Variants in POLRMT observed in about 807,000 individuals in gnomAD.
The protein encoded by POLRMT is DNA-directed RNA polymerase, mitochondrial.
In POLRMT, 114 loss-of-function variants were observed where a neutral mutation model predicts 132.2. That is an observed-to-expected ratio of 0.86 (90% CI 0.74 to 1.01). The LOEUF is 1.01. POLRMT is among the 50% of genes least tolerant of loss of function. The pLI, the probability that POLRMT is intolerant of heterozygous loss-of-function variation, is 0.00. For synonymous variants in POLRMT, 1,020 were observed against 773.4 expected, an observed-to-expected ratio of 1.32 and a Z score of -5.29; for missense variants, 2,003 against 1,729.1, an observed-to-expected ratio of 1.16 and a Z score of -2.81.
chr19:621,295 G>C lies in POLRMT; in HGVS notation c.2403C>G (p.Asp801Glu), dbSNP rs749722950. 11 of 1,603,082 alleles carry C rather than the reference G, an allele frequency of 6.9e-6. No homozygotes were observed. Among genetic ancestry groups the C allele is most frequent in the Non-Finnish European group, 9.3e-6 (11 of 1,177,532 alleles). ...GGCAGGGGTAGGTGCGGCCGCGGAA[G>C]TCCATGTTGTGCGGCAGCCAGAAGA... The part of the protein sequence containing the change: ...DRVFWLPHNM[D>E]FRGRTYPCPP... Residue 801 changes from aspartate (D) to glutamate (E), a missense_variant, in exon 10 of 21, where the codon GAC (aspartate) becomes GAG (glutamate). Physicochemically the swap from Asp to Glu is conservative, Grantham distance 45 (BLOSUM62 2). Coordinates refer to ENST00000588649, the MANE Select transcript of POLRMT (RefSeq NM_005035.4).
intron 3 of POLRMT, among the ~76,000 whole-genome samples, chr19:627,148 A>ATTT (rs869110035): frequency 2.0e-4 from 24 of 119,754 alleles, no homozygotes; most frequent in African/African-American, 3.0e-4. Context: ...GTTTTGGGGC[A>ATTT]TTTTTTTTTT....
In POLRMT at chr19:621,154, G is replaced by A. The variant is rs1322718269; in HGVS notation, c.2544C>T (p.Leu848=). 6.8e-6 allele frequency: 11 copies of A among 1,610,932 alleles called. No individual in the cohort carries two copies. The highest frequency in any genetic ancestry group is 6.8e-6 in the Non-Finnish European group (8 of 1,178,782). The part of the protein sequence containing the change: ...LDWLKIHLVN[L]TGLKKREPLR... ...GCGGCTCCCGCTTCTTCAACCCCGT[G>A]AGATTGACCAGGTGGATCTTGAGCC... Residue 848 remains leucine (L), a synonymous_variant, in exon 10 of 21, where the codon CTC becomes CTT. Transcript: ENST00000588649.
chr19:625,291 G>A, intron 3 of POLRMT, 37 bp from the exon 4 acceptor site: 1 of 1,610,942 alleles, frequency 6.2e-7, no homozygotes, highest in Non-Finnish European at 8.5e-7. Context: ...CTGGGGGGAT[G>A]GCCCAACCTC....
At chr19:633,105 C>T in intron 1 of POLRMT, 167 bp from the exon 2 acceptor site, 4 of 629,182 alleles carry the variant, frequency 6.4e-6, no homozygotes. Flanking sequence ...GTGGAAGGGC[C>T]CCGCCGCGGC....
At position 619,968 on chromosome 19, in the gene POLRMT, A is replaced by G; in HGVS notation, c.2876T>C (p.Val959Ala). 1.9e-6 allele frequency: 3 copies of G among 1,600,854 alleles called. No individual in the cohort carries two copies. Among genetic ancestry groups the G allele is most frequent in the Non-Finnish European group, 2.5e-6 (3 of 1,177,632 alleles). The change falls in exon 12 of 21, where the codon GTG becomes GCG. Residue 959 changes from valine (V) to alanine (A), a missense_variant. Val to Ala is a moderately conservative substitution (Grantham distance 64, BLOSUM62 0). Coordinates refer to ENST00000588649, the MANE Select transcript of POLRMT (RefSeq NM_005035.4). Reference sequence around the variant, plus strand: ...CAGGGCACACCCTACCTGCGCGGCCACGCCGCTGTACACGTCCTGCGGCAC... The same window carrying G: ...CAGGGCACACCCTACCTGCGCGGCCGCGCCGCTGTACACGTCCTGCGGCAC... ...SDVPQDVYSGVAAQVEVFRRQ... is the reference protein window; with the variant it reads ...SDVPQDVYSGAAAQVEVFRRQ...
chr19:617,540 C>T (rs1600549960), intron 19 of POLRMT, 30 bp downstream of exon 19: 1 of 1,609,176 alleles, frequency 6.2e-7, no homozygotes, highest in Non-Finnish European at 8.5e-7. Flanking sequence ...GGGGGGGAAT[C>T]CAGGTAGTTG....
chr19:626,770 G>C (rs1230105874), intron 3 of POLRMT, among the ~76,000 whole-genome samples: 3 of 150,728 alleles, frequency 2.0e-5, no homozygotes, highest in African/African-American at 2.4e-5. Flanking sequence ...TGGGGCAGGA[G>C]AATCACTTGA....
chr19:625,346 G>A, intron 3 of POLRMT, 92 bp from the exon 4 acceptor site: 18 of 1,537,580 alleles, frequency 1.2e-5, no homozygotes, highest in Non-Finnish European at 1.4e-5. Flanking sequence ...GTAGCCACCA[G>A]CTCAGCAGGG....
intron 3 of POLRMT, 152 bp from the exon 4 acceptor site, chr19:625,406 C>A: frequency 9.9e-7 from 1 of 1,012,334 alleles, no homozygotes; most frequent in Non-Finnish European, 1.4e-6. Flanking sequence ...GATGCATCCC[C>A]CTGAGGTTCT....
intron 3 of POLRMT, among the ~76,000 whole-genome samples, chr19:626,153 T>C (rs941623297): frequency 6.6e-6 from 1 of 151,328 alleles, no homozygotes; most frequent in Non-Finnish European, 1.5e-5. Flanking sequence ...TTGGAAATTT[T>C]ATTTAATTAT....
chr19:618,376 C>T, intron 17 of POLRMT, 112 bp downstream of exon 17: 1 of 796,436 alleles, frequency 1.3e-6, no homozygotes, highest in Non-Finnish European at 2.0e-6. Flanking sequence ...ACAGCAGATC[C>T]ACTCTGCCCA....
In POLRMT at chr19:633,529, G is replaced by GGCGCCGCC. The variant is rs57880842; in HGVS notation, c.-18_-17insGGCGGCGC. On this transcript the variant is annotated 5_prime_UTR_variant, in exon 1 of 21. Coordinates refer to ENST00000588649, the MANE Select transcript of POLRMT (RefSeq NM_005035.4). ...TGCCGACATTACGCACGCCGCTCCA[G>GGCGCCGCC]GCCACCCCACCGGCCCGCGCCTGCG... The GGCGCCGCC allele has an allele frequency of 4.8e-6, 7 of 1,463,894 alleles. No homozygotes were observed. The highest frequency in any genetic ancestry group is 3.0e-5 in the African/African-American group (2 of 66,422). The allele number at this position is 1,463,894 out of a possible 1,614,324, so 90.7% of individuals were successfully genotyped here.
Position 619,568 on chromosome 19 carries a change from G to T in POLRMT, c.3066+18C>A, listed in dbSNP as rs368826581. On this transcript the variant is annotated intron_variant, in intron 13 of 20. Coordinates refer to ENST00000588649, the MANE Select transcript of POLRMT (RefSeq NM_005035.4). ...GCAGTGAAACCAACGTGTTCGCAGC[G>T]CGACATGCCTGGCGCACCTGGGGAA... 3.7e-6 allele frequency: 6 copies of T among 1,611,232 alleles called. No homozygotes were observed. The African/African-American group carries it at 6.7e-5, about 18-fold the overall frequency.
chr19:624,927 C>T (rs374815957), intron 4 of POLRMT, 22 bp from the exon 5 acceptor site: 6 of 1,590,378 alleles, frequency 3.8e-6, no homozygotes, highest in Middle Eastern at 1.7e-4. Flanking sequence ...GCGGCCTGCT[C>T]GAGGGACGGG....
At position 624,797 on chromosome 19, in the gene POLRMT, C is replaced by T. The variant is rs558974858; in HGVS notation, c.1062G>A (p.Val354=). 34 of 1,613,520 alleles carry T rather than the reference C, an allele frequency of 2.1e-5. 1 individual carries two copies. In the East Asian group the frequency reaches 7.1e-4, roughly 34 times the overall value. The change falls in exon 5 of 21, where the codon GTG becomes GTA. Residue 354 remains valine (V), a synonymous_variant. Transcript: ENST00000588649. ...GCGGCGGGAGGCTGAAGGTGGGCTT[C>T]ACCTTGTGCACGGCCTTCAGAACAG... is the stretch of plus-strand genomic sequence containing the variant. The part of the protein sequence containing the change: ...RATVLKAVHK[V]KPTFSLPPQL...
At chr19:627,995 T>C (rs1323200087) in intron 3 of POLRMT, among the ~76,000 whole-genome samples, 1 of 147,654 alleles carries the variant, frequency 6.8e-6, no homozygotes, top group East Asian at 2.1e-4. Context: ...CCACCTCTAC[T>C]AAAAATAAAA....
intron 10 of POLRMT, 29 bp downstream of exon 10, chr19:621,029 G>T: frequency 6.6e-7 from 1 of 1,522,252 alleles, no homozygotes; most frequent in South Asian, 1.2e-5. Context: ...GTGCCGGGAG[G>T]GCGGGGAATG....
Position 624,913 on chromosome 19 carries a change from G to A in POLRMT, c.954-8C>T, listed in dbSNP as rs989238209. The A allele has an allele frequency of 1.3e-6, 2 of 1,599,734 alleles. No individual in the cohort carries two copies. Among genetic ancestry groups the A allele is most frequent in the Admixed American group, 3.4e-5 (2 of 59,440 alleles). On this transcript the variant is annotated splice_region_variant and splice_polypyrimidine_tract_variant and intron_variant, in intron 4 of 20. Transcript: ENST00000588649. ...CTCATCTGTTCCAGACACCTGTGGT[G>A]CAGGCGGCCTGCTCGAGGGACGGGC...
rs770194746 is a variant in POLRMT, at chr19:617,421, G to C, written c.3641C>G (p.Pro1214Arg). The change falls in exon 20 of 21, where the codon CCA becomes CGA. Residue 1214 changes from proline (P) to arginine (R), a missense_variant and splice_region_variant. Coordinates refer to ENST00000588649, the MANE Select transcript of POLRMT (RefSeq NM_005035.4). ...TGCGAGGCTGCCCACCCGCCTACCT[G>C]GCTTGGGCACCGCCTGCAGTGTCTC... ...LKETLQAVPK[P>R]GAFDLEQVKR... 6.2e-7 allele frequency: 1 copy of C among 1,612,230 alleles called. No individual in the cohort carries two copies. The highest frequency in any genetic ancestry group is 1.3e-5 in the African/African-American group (1 of 74,914).
Sources: gnomAD v4.1 joint callset for allele counts (sites outside exome capture counted in the v4.1 genomes callset) on GRCh38, gnomAD v4.1.1 for gene constraint, MANE v1.5 for transcripts, NCBI Gene and HGNC (gene_info 2026-07-23, HGNC 2026-07-21) for gene names.